The following PRKN variants were observed in gnomAD, a reference collection of about 807,000 sequenced individuals.
PRKN encodes the protein parkin RBR E3 ubiquitin protein ligase, also known as E3 ubiquitin-protein ligase parkin.
In PRKN, 56 loss-of-function variants were observed where a neutral mutation model predicts 59.5. The observed-to-expected ratio is 0.94, with a 90% CI of 0.76 to 1.18. PRKN has a LOEUF of 1.18. Among genes scored for constraint, PRKN ranks in the 50% most tolerant of loss-of-function variants. The pLI is 0.00. For missense variants in PRKN, 657 were observed against 596.4 expected, an observed-to-expected ratio of 1.10 and a Z score of -1.06; for synonymous variants, 250 against 222.1, an observed-to-expected ratio of 1.13 and a Z score of -1.12.
rs1790127845 is a variant in PRKN at position 161,459,890 on chromosome 6, C to A, written c.1084-73013G>T. On this transcript the variant is annotated intron_variant, in intron 9 of 11. Coordinates refer to ENST00000366898, the MANE Select transcript of PRKN (RefSeq NM_004562.3). The surrounding 1 kb of genome is among the most constrained non-coding windows in gnomAD (Gnocchi z 4.8). Reference sequence around the variant, plus strand: ...AAACTATTATATTGAAAGTTGGTTTCTTGGTGCTGCTTACATTATTTTATT... The same window carrying A: ...AAACTATTATATTGAAAGTTGGTTTATTGGTGCTGCTTACATTATTTTATT... Among the ~76,000 whole-genome samples the A allele has an allele frequency of 6.6e-6, 1 of 151,994 alleles. No homozygotes were observed. Among genetic ancestry groups the A allele is most frequent in the Admixed American group, 6.6e-5 (1 of 15,258 alleles).
rs1214634262 is a variant in PRKN, at chr6:161,546,214, A to G, written c.1083+2640T>C. On this transcript the variant is annotated intron_variant, in intron 9 of 11. Coordinates refer to ENST00000366898, the MANE Select transcript of PRKN (RefSeq NM_004562.3). This position sits in a 1 kb window ranked among gnomAD's most constrained non-coding sequence, Gnocchi z 4.4. ...TGCCAGGAACTATTCTAAGTATTTT[A>G]CACTTATTATCTCATTTAGTATGCA... Among the ~76,000 whole-genome samples, 3 of 152,222 alleles carry G rather than the reference A, an allele frequency of 2.0e-5. No homozygotes were observed. Among genetic ancestry groups the G allele is most frequent in the African/African-American group, 7.2e-5 (3 of 41,446 alleles).
intron 2 of PRKN, among the ~76,000 whole-genome samples, chr6:162,394,899 A>G (rs1787395323): frequency 6.6e-6 from 1 of 152,202 alleles, no homozygotes; most frequent in African/African-American, 2.4e-5. Context: ...TCGTTTTCCT[A>G]GTGTAATTAA....
chr6:161,717,997 G>T (rs998292535), intron 7 of PRKN, among the ~76,000 whole-genome samples: 3 of 152,208 alleles, frequency 2.0e-5, no homozygotes, highest in African/African-American at 7.2e-5. Flanking sequence ...ACGCATGGCA[G>T]AACGTGGGGA....
chr6:162,591,355 A>G (rs1271331884), intron 1 of PRKN, among the ~76,000 whole-genome samples: 1 of 151,908 alleles, frequency 6.6e-6, no homozygotes, highest in Non-Finnish European at 1.5e-5. Context: ...TAATTTTTTT[A>G]AATTAAATTT....
intron 9 of PRKN, among the ~76,000 whole-genome samples, chr6:161,425,085 T>C (rs1381200146): frequency 1.4e-5 from 2 of 145,462 alleles, no homozygotes; most frequent in Admixed American, 7.1e-5. Flanking sequence ...TGAGTGCCTA[T>C]GTGCTGAGTT....
chr6:162,234,121 G>A (rs897440410), intron 3 of PRKN, among the ~76,000 whole-genome samples: 5 of 152,130 alleles, frequency 3.3e-5, no homozygotes, highest in African/African-American at 1.2e-4. Flanking sequence ...ATAGGATGGG[G>A]GAAAAAAGCA....
intron 4 of PRKN, among the ~76,000 whole-genome samples, chr6:162,106,179 AGGAT>A (rs1320765982): frequency 6.6e-5 from 10 of 152,218 alleles, no homozygotes; most frequent in Admixed American, 1.3e-4. Flanking sequence ...GTACGGGAAG[AGGAT>A]GGATAGATTA....
At chr6:161,574,896 T>G (rs918408167) in intron 7 of PRKN, among the ~76,000 whole-genome samples, 2 of 152,194 alleles carry the variant, frequency 1.3e-5, no homozygotes, top group African/African-American at 4.8e-5. Flanking sequence ...CTGTGTTAGC[T>G]TTCTTGACAA....
chr6:162,173,632 G>C (rs1423563746), intron 4 of PRKN, among the ~76,000 whole-genome samples: 2 of 151,414 alleles, frequency 1.3e-5, no homozygotes, highest in Admixed American at 1.3e-4. Context: ...ACTATTTCAA[G>C]TCATGTGTGA....
chr6:162,612,645 C>T (rs2803053), intron 1 of PRKN, among the ~76,000 whole-genome samples: 38,057 of 149,976 alleles, frequency 0.25, 5,906 homozygotes, highest in Non-Finnish European at 0.36. Flanking sequence ...CAAACCAAAA[C>T]GTTGCCTTAA....
chr6:161,632,310 A>G (rs1783345912), intron 7 of PRKN, among the ~76,000 whole-genome samples: 1 of 152,210 alleles, frequency 6.6e-6, no homozygotes, highest in Non-Finnish European at 1.5e-5. Context: ...TAGGATTTAC[A>G]TGAGAAAAAA....
At chr6:161,749,123 C>T (rs1042373628) in intron 7 of PRKN, among the ~76,000 whole-genome samples, 7 of 152,128 alleles carry the variant, frequency 4.6e-5, no homozygotes, top group Non-Finnish European at 5.9e-5. Flanking sequence ...CAAGCAGGTA[C>T]GCCTAAGCTT....
At chr6:162,446,307 G>C (rs1790315384) in intron 1 of PRKN, among the ~76,000 whole-genome samples, 1 of 152,164 alleles carries the variant, frequency 6.6e-6, no homozygotes. Context: ...CCATAGGAAG[G>C]AATGTGGGAA....
rs184845486 is a variant in PRKN at position 162,531,536 on chromosome 6, T to G, written c.8-88063A>C. On this transcript the variant is annotated intron_variant, in intron 1 of 11. Transcript: ENST00000366898. ...GAGATGAAATCATAGGACCCGGAGC[T>G]GTCTTCCTGCATTCAGTCAGTTCCT... Among the ~76,000 whole-genome samples the G allele has an allele frequency of 1.3e-3, 195 of 152,152 alleles. 1 individual carries two copies. Among genetic ancestry groups the G allele is most frequent in the Non-Finnish European group, 2.4e-3 (163 of 67,988 alleles).
intron 7 of PRKN, among the ~76,000 whole-genome samples, chr6:161,570,262 C>A: frequency 7.2e-6 from 1 of 139,668 alleles, no homozygotes; most frequent in African/African-American, 2.6e-5. Context: ...TTTTATATAA[C>A]TCACATATAT....
intron 4 of PRKN, among the ~76,000 whole-genome samples, chr6:162,173,479 A>G (rs1574210): frequency 0.93 from 141,698 of 152,072 alleles, 66,387 homozygotes; most frequent in Middle Eastern, 0.98. Flanking sequence ...GACACTTGTG[A>G]GCAGCCACAT....
intron 2 of PRKN, among the ~76,000 whole-genome samples, chr6:162,392,754 AC>A (rs1202361839): frequency 1.6e-4 from 25 of 152,172 alleles, no homozygotes; most frequent in Non-Finnish European, 2.9e-4. Flanking sequence ...GTAATTTTCT[AC>A]ATTTTTAAAA....
At chr6:162,174,473 C>A (rs1029591165) in intron 4 of PRKN, among the ~76,000 whole-genome samples, 32 of 152,138 alleles carry the variant, frequency 2.1e-4, no homozygotes, top group African/African-American at 6.5e-4. Flanking sequence ...CGTTTGATTT[C>A]ACTTAACCTG....
At chr6:162,414,831 G>GT (rs1480391155) in intron 2 of PRKN, among the ~76,000 whole-genome samples, 1 of 151,662 alleles carries the variant, frequency 6.6e-6, no homozygotes. Context: ...TCTTAAAACT[G>GT]ATTATCATTG....
Sources: gnomAD v4.1 joint callset for allele counts (sites outside exome capture counted in the v4.1 genomes callset) on GRCh38, gnomAD v4.1.1 for gene constraint, Gnocchi (gnomAD v3.1) non-coding constraint, MANE v1.5 for transcripts, NCBI Gene and HGNC (gene_info 2026-07-23, HGNC 2026-07-21) for gene names.